UMODL1: variants seen among roughly 807,000 people sequenced by gnomAD.
UMODL1 encodes the protein uromodulin like 1, also known as uromodulin-like 1.
UMODL1 carries 128 observed loss-of-function variants against 136.3 expected under a neutral mutation model. The ratio of observed to expected loss-of-function variants is 0.94; its 90% CI spans 0.81 to 1.09. The LOEUF (loss-of-function observed/expected upper bound fraction) is 1.09, where lower values mean the gene tolerates loss of function less well. UMODL1 is among the 50% of genes least tolerant of loss of function. UMODL1 has a pLI of 0.00. For missense variants in UMODL1, 1,766 were observed against 1,725.6 expected (o/e 1.02, Z -0.41); for synonymous variants, 721 against 720.0 (o/e 1.00, Z -0.02).
rs201535569 is a variant in UMODL1 at position 42,076,138 on chromosome 21, C to A, written c.210C>A (p.Cys70Ter). The change falls in exon 2 of 23, where the codon TGC becomes TGA. Residue 70 changes from cysteine (C) to a stop codon, truncating the protein, a stop_gained. Transcript: ENST00000408910. LOFTEE classifies it high-confidence loss of function. ...GCGGCTGGATCCCCTGGAGGCGGTGCCCTAAGATGGTTTACCGGACACAGT... is the reference window on the plus strand; with the variant it reads ...GCGGCTGGATCCCCTGGAGGCGGTGACCTAAGATGGTTTACCGGACACAGT... ...SCGGWIPWRRCPKMVYRTQYL... is the reference protein window; with the variant it reads ...SCGGWIPWRR 457 of 1,614,236 alleles carry A rather than the reference C, an allele frequency of 2.8e-4. No individual in the cohort carries two copies. The highest frequency in any genetic ancestry group is 3.7e-4 in the Non-Finnish European group (436 of 1,180,040).
At chr21:42,067,607 G>A (rs2146405624), upstream of UMODL1, among the ~76,000 whole-genome samples, 1 of 152,338 alleles carries the variant, frequency 6.6e-6, no homozygotes, top group African/African-American at 2.4e-5. Flanking sequence ...GGCATGCAGG[G>A]TCTGAAAACA....
upstream of UMODL1, among the ~76,000 whole-genome samples, chr21:42,066,352 G>A (rs571477540): frequency 6.7e-4 from 102 of 152,264 alleles, no homozygotes; most frequent in African/African-American, 2.2e-3. Flanking sequence ...GCGCAATCTC[G>A]GCTCACTGCA....
At chr21:42,069,506 A>C (rs759780628), upstream of UMODL1, among the ~76,000 whole-genome samples, 3 of 152,214 alleles carry the variant, frequency 2.0e-5, no homozygotes, top group Non-Finnish European at 4.4e-5. Context: ...ACAGACCAGC[A>C]GTGGAGTGGA....
intron 6 of UMODL1, among the ~76,000 whole-genome samples, chr21:42,090,763 G>A (rs980385468): frequency 6.6e-6 from 1 of 152,208 alleles, no homozygotes; most frequent in Non-Finnish European, 1.5e-5. Context: ...GTTGTTGGCC[G>A]ACGATTCATT....
intron 22 of UMODL1, among the ~76,000 whole-genome samples, chr21:42,138,975 C>T (rs2067244635): frequency 6.6e-6 from 1 of 152,096 alleles, no homozygotes; most frequent in Admixed American, 6.6e-5. Context: ...CCAGACCAGC[C>T]TGGGCAAGAT....
intron 21 of UMODL1, among the ~76,000 whole-genome samples, chr21:42,133,480 A>T (rs1270131735): frequency 6.6e-6 from 1 of 152,110 alleles, no homozygotes; most frequent in African/African-American, 2.4e-5. Context: ...GCTTCCCTCC[A>T]CCCCAGCCCT....
chr21:42,090,461 T>C (rs1336503321), intron 6 of UMODL1, 23 bp downstream of exon 6: 2 of 1,612,540 alleles, frequency 1.2e-6, no homozygotes, highest in Non-Finnish European at 1.7e-6. Flanking sequence ...CTCTCTCAGA[T>C]GGCATGGGAA....
rs774325489 is a variant in UMODL1 at position 42,110,907 on chromosome 21, G to C, written c.1685G>C (p.Gly562Ala). 4 of 1,611,264 alleles carry C rather than the reference G, an allele frequency of 2.5e-6. No homozygotes were observed. The highest frequency in any genetic ancestry group is 3.3e-5 in the Admixed American group (2 of 59,734). Residue 562 changes from glycine to alanine, a missense_variant, in exon 11 of 23, where the codon GGA becomes GCA. Coordinates refer to ENST00000408910, the MANE Select transcript of UMODL1 (RefSeq NM_001004416.3). Reference protein sequence around the residue: ...EGDLVSPMGGGLSAATGVTVP... With the variant: ...EGDLVSPMGGALSAATGVTVP... ...GACCTGGTGAGCCCCATGGGCGGTG[G>C]ACTGTCTGCGGCAACAGGGGTAACG...
chr21:42,137,813 C>T lies in UMODL1; in HGVS notation c.*21+172C>T, dbSNP rs186324126. 5.4e-5 allele frequency among the ~76,000 whole-genome samples: 8 copies of T among 148,282 alleles called. No individual in the cohort carries two copies. The East Asian group carries it at 1.0e-3, about 19-fold the overall frequency. ...GTGCAGGCTGATAAGAAGGTGGGTG[C>T]GGAGTGGGGGCATCTGATGTGCATG... On this transcript the variant is annotated intron_variant, in intron 22 of 22. Transcript: ENST00000408910.
In UMODL1 at chr21:42,085,699, C is replaced by T. The variant is rs929895773; in HGVS notation, c.603+287C>T. 2.6e-5 allele frequency among the ~76,000 whole-genome samples: 4 copies of T among 152,214 alleles called. No individual in the cohort carries two copies. Among genetic ancestry groups the T allele is most frequent in the Non-Finnish European group, 5.9e-5 (4 of 68,040 alleles). ...GTGGTGGAGAACGCGGATCCCTAAG[C>T]TTGCAGGGGTCTGCAGTCCCAGCAA... On this transcript the variant is annotated intron_variant, in intron 4 of 22. Transcript: ENST00000408910. The surrounding 1 kb of genome is among the most constrained non-coding windows in gnomAD (Gnocchi z 4.5).
At chr21:42,092,775 G>A (rs935685135) in intron 6 of UMODL1, among the ~76,000 whole-genome samples, 3 of 152,178 alleles carry the variant, frequency 2.0e-5, no homozygotes, top group Admixed American at 6.5e-5. Flanking sequence ...CGCGCTCTGG[G>A]CTCTGCTCTG....
At chr21:42,127,361 A>G in intron 19 of UMODL1, 119 bp downstream of exon 19, 1 of 1,008,322 alleles carries the variant, frequency 9.9e-7, no homozygotes, top group Non-Finnish European at 1.5e-6. Context: ...CATTAACAAT[A>G]GGTAGGGCTC....
intron 22 of UMODL1, among the ~76,000 whole-genome samples, chr21:42,140,725 C>G (rs1269519630): frequency 6.6e-6 from 1 of 152,156 alleles, no homozygotes; most frequent in Non-Finnish European, 1.5e-5. Flanking sequence ...AGGGAAGGAG[C>G]CTTCCCAGGA....
chr21:42,102,400 A>C (rs1425488038), intron 8 of UMODL1, 122 bp downstream of exon 8: 1 of 739,406 alleles, frequency 1.4e-6, no homozygotes, highest in East Asian at 2.7e-5. Flanking sequence ...ATGTTACTGC[A>C]GCTTCAGGGG....
At chr21:42,083,049 C>T (rs1239226259) in intron 2 of UMODL1, among the ~76,000 whole-genome samples, 1 of 152,220 alleles carries the variant, frequency 6.6e-6, no homozygotes, top group African/African-American at 2.4e-5. Context: ...ATCTTTGCCT[C>T]CTGCAGAGGC....
rs58764222 is a variant in UMODL1, at chr21:42,095,089, G to GTTTTT, written c.932-3818_932-3814dup. On this transcript the variant is annotated intron_variant, in intron 6 of 22. Transcript: ENST00000408910. ...CATCACTCCTTTGTTTTCTTCTGCT[G>GTTTTT]TTTTTTTTTTTTTTTTTTTTTTTGA... Among the ~76,000 whole-genome samples the GTTTTT allele has an allele frequency of 9.3e-4, 57 of 61,198 alleles. 1 individual carries two copies. Among genetic ancestry groups the GTTTTT allele is most frequent in the African/African-American group, 3.0e-3 (47 of 15,894 alleles). The allele number at this position is 61,198 out of a possible 152,430, so 40.1% of individuals were successfully genotyped here.
intron 22 of UMODL1, among the ~76,000 whole-genome samples, chr21:42,138,625 G>C (rs888336626): frequency 9.9e-5 from 15 of 151,954 alleles, no homozygotes; most frequent in African/African-American, 3.6e-4. Flanking sequence ...GCCCAGGTTG[G>C]AGTGCAGTGG....
intron 2 of UMODL1, 54 bp downstream of exon 2, chr21:42,076,301 T>C: frequency 1.2e-6 from 2 of 1,604,574 alleles, no homozygotes; most frequent in Non-Finnish European, 8.5e-7. Context: ...TCGAGACGCC[T>C]GATGGGACAG....
upstream of UMODL1, among the ~76,000 whole-genome samples, chr21:42,070,676 C>T (rs1420495257): frequency 2.6e-5 from 4 of 152,234 alleles, no homozygotes; most frequent in African/African-American, 7.2e-5. Context: ...GTAATAATTA[C>T]TCTCCCACTC....
Sources: gnomAD v4.1 joint callset for allele counts (sites outside exome capture counted in the v4.1 genomes callset) on GRCh38, gnomAD v4.1.1 for gene constraint, Gnocchi (gnomAD v3.1) non-coding constraint, MANE v1.5 for transcripts, NCBI Gene and HGNC (gene_info 2026-07-23, HGNC 2026-07-21) for gene names.